The following PLET1 variants were observed in gnomAD, a reference collection of about 807,000 sequenced individuals.
The protein encoded by PLET1 is placenta expressed transcript 1.
A neutral mutation model predicts 18.5 loss-of-function variants in PLET1; 20 were observed. The ratio of observed to expected loss-of-function variants is 1.08; its 90% CI spans 0.76 to 1.57. The LOEUF is 1.57. PLET1 is among the 40% of genes most tolerant of loss of function. PLET1 has a pLI of 0.00. For synonymous variants in PLET1, 93 were observed against 93.8 expected (o/e 0.99, Z 0.05); for missense variants, 256 against 246.4 (o/e 1.04, Z -0.26).
intron 2 of PLET1, among the ~76,000 whole-genome samples, chr11:112,254,760 TGTGCTGC>T (rs1860199056): frequency 3.7e-5 from 1 of 27,060 alleles, no homozygotes; most frequent in Non-Finnish European, 6.7e-5. Context: ...GTGTGGTGTG[TGTGCTGC>T]GTGTGGTACG....
chr11:112,259,242 T>C (rs997047781), intron 1 of PLET1, among the ~76,000 whole-genome samples: 1 of 152,172 alleles, frequency 6.6e-6, no homozygotes, highest in Admixed American at 6.5e-5. Flanking sequence ...AAAGGCAGGG[T>C]CTCTGAAGCT....
intron 1 of PLET1, among the ~76,000 whole-genome samples, chr11:112,259,942 G>A (rs760387242): frequency 6.6e-6 from 1 of 152,180 alleles, no homozygotes; most frequent in Non-Finnish European, 1.5e-5. Context: ...GGAGGCTGAG[G>A]TACAAGAATT....
chr11:112,252,227 C>G, intron 3 of PLET1, 121 bp downstream of exon 3: 1 of 883,690 alleles, frequency 1.1e-6, no homozygotes, highest in Non-Finnish European at 1.8e-6. Flanking sequence ...GGAGACTCAA[C>G]TGATAGATAG....
chr11:112,252,692 G>T (rs543106858), intron 2 of PLET1, among the ~76,000 whole-genome samples: 1 of 152,142 alleles, frequency 6.6e-6, no homozygotes, highest in African/African-American at 2.4e-5. Context: ...GTTCAAGCCA[G>T]TCCCTCTGCC....
intron 2 of PLET1, among the ~76,000 whole-genome samples, chr11:112,252,694 C>A (rs1860168397): frequency 6.6e-6 from 1 of 152,162 alleles, no homozygotes; most frequent in Admixed American, 6.5e-5. Flanking sequence ...TCAAGCCAGT[C>A]CCTCTGCCTA....
At chr11:112,256,811 C>T (rs1213886273) in intron 1 of PLET1, among the ~76,000 whole-genome samples, 4 of 152,222 alleles carry the variant, frequency 2.6e-5, no homozygotes, top group Admixed American at 2.6e-4. Flanking sequence ...GCGTCAGGTG[C>T]AGTAGAAGGT....
rs1346131501 is a variant in PLET1, at chr11:112,248,810, G to A, written c.613C>T (p.Leu205Phe). 3 of 1,551,582 alleles carry A rather than the reference G, an allele frequency of 1.9e-6. No individual in the cohort carries two copies. The highest frequency in any genetic ancestry group is 1.2e-5 in the South Asian group (1 of 84,044). Residue 205 changes from leucine to phenylalanine, a missense_variant, in exon 4 of 4, where the codon CTT (leucine) becomes TTT (phenylalanine). Coordinates refer to ENST00000338832, the MANE Select transcript of PLET1 (RefSeq NM_001145024.1). ...TCCCTGGCTTCCCTTTAGAAGAGAA[G>A]TGTGCTGGTGAGAAAAGCAAGCAGG... is the stretch of plus-strand genomic sequence containing the variant. Reference protein sequence around the residue: ...YILLAFLTSTLLF With the variant: ...YILLAFLTSTFLF
intron 1 of PLET1, among the ~76,000 whole-genome samples, chr11:112,260,001 A>G (rs192215148): frequency 6.6e-6 from 1 of 152,174 alleles, no homozygotes; most frequent in African/African-American, 2.4e-5. Flanking sequence ...TTGTACCATT[A>G]CACTCCAGCC....
In PLET1 at chr11:112,248,870, C is replaced by T; in HGVS notation, c.553G>A (p.Val185Ile). The T allele has an allele frequency of 6.4e-7, 1 of 1,551,566 alleles. No individual in the cohort carries two copies. The highest frequency in any genetic ancestry group is 8.7e-7 in the Non-Finnish European group (1 of 1,146,978). ...SIRLEGLANQ[V>I]FSSPITEAIY... ...GCCTCTGTGATGGGGCTGCTGAAGACTTGGTTGGCCAAGCCTTCGAGTCTG... is the reference window on the plus strand; with the variant it reads ...GCCTCTGTGATGGGGCTGCTGAAGATTTGGTTGGCCAAGCCTTCGAGTCTG... Residue 185 changes from valine (V) to isoleucine (I), a missense_variant, in exon 4 of 4, where the codon GTC becomes ATC. Transcript: ENST00000338832.
In PLET1 at chr11:112,260,683, T is replaced by C. The variant is rs569412886; in HGVS notation, c.-94A>G. On this transcript the variant is annotated 5_prime_UTR_variant, in exon 1 of 4. An upstream start codon of the reference 5' UTR is lost. Transcript: ENST00000338832. ...ATGCCAGGGCTTCTGGGTGAAGTCA[T>C]ACATGCAGATCTTCTCCCTGCCCCT... 9.0e-6 allele frequency: 10 copies of C among 1,111,128 alleles called. No homozygotes were observed. The South Asian group carries it at 1.3e-4, about 14-fold the overall frequency. The allele number at this position is 1,111,128 out of a possible 1,614,324, so 68.8% of individuals were successfully genotyped here.
intron 1 of PLET1, among the ~76,000 whole-genome samples, chr11:112,257,072 C>A (rs1318893053): frequency 6.6e-6 from 1 of 152,236 alleles, no homozygotes; most frequent in Non-Finnish European, 1.5e-5. Context: ...GTCCTTCTTT[C>A]TAGAGCATGT....
rs537088219 is a variant in PLET1 at position 112,257,425 on chromosome 11, G to T, written c.185-1836C>A. On this transcript the variant is annotated intron_variant, in intron 1 of 3. Transcript: ENST00000338832. ...TTAATCATATTGTACTTTGTGCTTT[G>T]TGCTATGTGCTGTGGTTTCATCTGT... 3.0e-3 allele frequency among the ~76,000 whole-genome samples: 427 copies of T among 143,404 alleles called. 2 individuals carry two copies. The highest frequency in any genetic ancestry group is 0.011 in the African/African-American group (413 of 38,646). The allele number at this position is 143,404 out of a possible 152,430, so 94.1% of individuals were successfully genotyped here. A position where few individuals can be genotyped will look rare whatever the true frequency, so the allele number is the denominator to read the frequency against.
chr11:112,255,173 G>C (rs1391378033), intron 2 of PLET1, among the ~76,000 whole-genome samples: 1 of 151,258 alleles, frequency 6.6e-6, no homozygotes, highest in Admixed American at 6.6e-5. Flanking sequence ...GTGTGAGTGT[G>C]TGTGTGGTAT....
chr11:112,252,842 G>A (rs1015778129), intron 2 of PLET1, among the ~76,000 whole-genome samples: 6 of 152,186 alleles, frequency 3.9e-5, no homozygotes, highest in Admixed American at 2.6e-4. Flanking sequence ...TGGGAGGACC[G>A]ACTTTATAAG....
intron 3 of PLET1, among the ~76,000 whole-genome samples, chr11:112,249,963 TAA>T (rs61227342): frequency 7.6e-5 from 8 of 105,486 alleles, no homozygotes; most frequent in African/African-American, 1.1e-4. Flanking sequence ...TCTCAAAAAT[TAA>T]AAAAAAAAAA....
chr11:112,255,613 A>C, intron 1 of PLET1, 24 bp from the exon 2 acceptor site: 1 of 1,545,092 alleles, frequency 6.5e-7, no homozygotes, highest in Non-Finnish European at 8.8e-7. Context: ...ATGAAGAAGC[A>C]ATCAGCCATC....
intron 2 of PLET1, among the ~76,000 whole-genome samples, chr11:112,255,140 TGTGTGTGTGTGGTGTGTATGTGGTGTGA>T (rs1860211768): frequency 7.3e-6 from 1 of 137,520 alleles, no homozygotes; most frequent in South Asian, 2.4e-4. Context: ...GTGGGGTGCA[TGTGTGTGTGTGGTGTGTATGTGGTGTGA>T]GTGTGTGTGT....
In PLET1 at chr11:112,255,541, A is replaced by T; in HGVS notation, c.233T>A (p.Leu78Ter). ...GCCCGCTGAGTCACTGTTCTCGTCC[A>T]AGGTTTTCATGACCACAGCATAGAC... ...DSVYAVVMKT[L>*]DENSDSAGLW... The change falls in exon 2 of 4, where the codon TTG becomes TAG. Residue 78 changes from leucine to a stop codon, truncating the protein, a stop_gained. Coordinates refer to ENST00000338832, the MANE Select transcript of PLET1 (RefSeq NM_001145024.1). LOFTEE classifies it high-confidence loss of function. 6.4e-7 allele frequency: 1 copy of T among 1,551,568 alleles called. No individual in the cohort carries two copies. The highest frequency in any genetic ancestry group is 8.7e-7 in the Non-Finnish European group (1 of 1,146,836).
chr11:112,259,585 G>C (rs1472950613), intron 1 of PLET1, among the ~76,000 whole-genome samples: 2 of 152,076 alleles, frequency 1.3e-5, no homozygotes, highest in African/African-American at 4.8e-5. Flanking sequence ...GGAGACTCTG[G>C]GCAGGTCATT....
Sources: allele counts gnomAD v4.1 joint callset (sites outside exome capture counted in the v4.1 genomes callset), GRCh38; gene constraint gnomAD v4.1.1; transcripts MANE v1.5; gene names NCBI Gene and HGNC (gene_info 2026-07-23, HGNC 2026-07-21).